Variants in TENM2 observed in about 807,000 individuals in gnomAD.
TENM2 encodes teneurin transmembrane protein 2.
A neutral mutation model predicts 245.2 loss-of-function variants in TENM2; 52 were observed. The ratio of observed to expected loss-of-function variants is 0.21; its 90% CI spans 0.17 to 0.27. The LOEUF (loss-of-function observed/expected upper bound fraction) is 0.27, where lower values mean the gene tolerates loss of function less well. Ranked by LOEUF, TENM2 falls within the 10% of genes least tolerant of loss-of-function variation. The pLI, the probability that TENM2 is intolerant of heterozygous loss-of-function variation, is 1.00. For missense variants in TENM2, 3,046 were observed against 3,666.8 expected, an observed-to-expected ratio of 0.83 and a Z score of 4.37; for synonymous variants, 1,363 against 1,438.9, an observed-to-expected ratio of 0.95 and a Z score of 1.19.
intron 2 of TENM2, among the ~76,000 whole-genome samples, chr5:167,731,975 G>A (rs1463157305): frequency 1.3e-5 from 2 of 152,172 alleles, no homozygotes; most frequent in Admixed American, 6.6e-5. Context: ...AATATTGTGA[G>A]CAAATCAAGA....
intron 2 of TENM2, among the ~76,000 whole-genome samples, chr5:167,649,962 A>G (rs1015733456): frequency 3.9e-5 from 6 of 152,190 alleles, no homozygotes; most frequent in Non-Finnish European, 4.4e-5. Context: ...AGACTCTGGA[A>G]TTACTTATTG....
At chr5:167,530,764 C>A (rs952984008) in intron 2 of TENM2, among the ~76,000 whole-genome samples, 1 of 152,152 alleles carries the variant, frequency 6.6e-6, no homozygotes, top group African/African-American at 2.4e-5. Flanking sequence ...AGTGGGGAAG[C>A]GCGGCTTCTC....
At chr5:167,357,911 C>T (rs1045796142) in intron 1 of TENM2, among the ~76,000 whole-genome samples, 2 of 152,184 alleles carry the variant, frequency 1.3e-5, no homozygotes, top group Non-Finnish European at 2.9e-5. Flanking sequence ...CTCCCAGCTT[C>T]TGTGCCCACA....
chr5:167,453,451 A>T (rs1658256657), intron 2 of TENM2, among the ~76,000 whole-genome samples: 2 of 152,176 alleles, frequency 1.3e-5, no homozygotes, highest in African/African-American at 4.8e-5. Flanking sequence ...AAGACATCAC[A>T]TTGTGAACAT....
chr5:167,712,544 G>T (rs1289426498), intron 2 of TENM2, among the ~76,000 whole-genome samples: 2 of 152,016 alleles, frequency 1.3e-5, no homozygotes, highest in Admixed American at 6.6e-5. Flanking sequence ...AAAAAGTTTT[G>T]CTTCATTTTT....
At chr5:168,179,090 G>A (rs906035381) in intron 13 of TENM2, among the ~76,000 whole-genome samples, 2 of 143,852 alleles carry the variant, frequency 1.4e-5, no homozygotes, top group Non-Finnish European at 3.0e-5. Flanking sequence ...AGTCGAGATC[G>A]AGCCACTGCA....
At chr5:168,230,552 G>GC (rs1190189822) in intron 25 of TENM2, among the ~76,000 whole-genome samples, 3 of 152,158 alleles carry the variant, frequency 2.0e-5, no homozygotes, top group Non-Finnish European at 4.4e-5. Flanking sequence ...GGAGTTTGCA[G>GC]CCCCTAAGCC....
chr5:167,741,949 A>T lies in TENM2; in HGVS notation c.503-134037A>T, dbSNP rs1263017686. Among the ~76,000 whole-genome samples, 4 of 152,124 alleles carry T rather than the reference A, an allele frequency of 2.6e-5. No individual in the cohort carries two copies. In the East Asian group the frequency reaches 7.7e-4, roughly 29 times the overall value. The stretch of plus-strand genomic sequence containing the variant: ...AGCCACCCTTTTCTGTTTTGATTGG[A>T]TGCAGGAACAATGAGTACACACCAC... On this transcript the variant is annotated intron_variant, in intron 2 of 28. Coordinates refer to ENST00000518659, the Ensembl canonical transcript of TENM2.
At chr5:167,788,852 T>C (rs1427192816) in intron 2 of TENM2, among the ~76,000 whole-genome samples, 1 of 152,192 alleles carries the variant, frequency 6.6e-6, no homozygotes, top group East Asian at 1.9e-4. Flanking sequence ...GTGACTTACG[T>C]CACTCCTTTC....
chr5:167,342,842 C>T (rs985150104), intron 1 of TENM2, among the ~76,000 whole-genome samples: 18 of 145,046 alleles, frequency 1.2e-4, no homozygotes, highest in African/African-American at 3.3e-4. Flanking sequence ...TATTCTTTAT[C>T]GTCCTTTCCA....
At chr5:167,551,021 G>T (rs965449844) in intron 2 of TENM2, among the ~76,000 whole-genome samples, 2 of 152,054 alleles carry the variant, frequency 1.3e-5, no homozygotes, top group African/African-American at 4.8e-5. Context: ...GAGCCACCAT[G>T]CCCAGCCATA....
intron 5 of TENM2, among the ~76,000 whole-genome samples, chr5:168,042,343 A>T (rs1403781268): frequency 6.6e-6 from 1 of 152,086 alleles, no homozygotes; most frequent in Non-Finnish European, 1.5e-5. Context: ...TGCTCGGCAA[A>T]CACAGAGCAT....
intron 2 of TENM2, among the ~76,000 whole-genome samples, chr5:167,409,367 A>G (rs1654691933): frequency 6.6e-6 from 1 of 152,084 alleles, no homozygotes. Flanking sequence ...ATAAACTTTA[A>G]CAAAAAAGTT....
At chr5:167,285,558 G>C (rs1771292640) in intron 1 of TENM2, among the ~76,000 whole-genome samples, 1 of 152,022 alleles carries the variant, frequency 6.6e-6, no homozygotes, top group Non-Finnish European at 1.5e-5. Flanking sequence ...TCCTTATACT[G>C]TTTTGATTTC....
intron 2 of TENM2, among the ~76,000 whole-genome samples, chr5:167,657,388 G>A (rs1391679467): frequency 2.0e-5 from 3 of 152,130 alleles, no homozygotes; most frequent in Non-Finnish European, 4.4e-5. Context: ...ATCTGTTGGT[G>A]GACACCTATG....
At chr5:167,293,408 C>T (rs758544537) in intron 1 of TENM2, among the ~76,000 whole-genome samples, 15 of 134,964 alleles carry the variant, frequency 1.1e-4, no homozygotes, top group South Asian at 2.4e-4. Context: ...TTAGTAGAGA[C>T]GGGGTTTCTC....
chr5:167,991,612 T>A (rs551030578), intron 4 of TENM2, among the ~76,000 whole-genome samples: 28 of 152,292 alleles, frequency 1.8e-4, no homozygotes, highest in African/African-American at 6.7e-4. Flanking sequence ...AGGAGCTATA[T>A]CCTCTTCTAC....
In TENM2 at chr5:167,839,148, G is replaced by A. The variant is rs1196267300; in HGVS notation, c.503-36838G>A. On this transcript the variant is annotated intron_variant, in intron 2 of 28. Transcript: ENST00000518659. ...TTAACACTCAGGACATCTGTGAGTCGGGTGTTTACTGGTTCCTCTGCTTCT... is the reference window on the plus strand; with the variant it reads ...TTAACACTCAGGACATCTGTGAGTCAGGTGTTTACTGGTTCCTCTGCTTCT... Among the ~76,000 whole-genome samples, 6 of 152,248 alleles carry A rather than the reference G, an allele frequency of 3.9e-5. 1 individual carries two copies. Among genetic ancestry groups the A allele is most frequent in the Middle Eastern group, 6.8e-3 (2 of 294 alleles).
intron 7 of TENM2, among the ~76,000 whole-genome samples, chr5:168,079,390 A>G (rs1791775036): frequency 6.6e-6 from 1 of 152,140 alleles, no homozygotes; most frequent in Non-Finnish European, 1.5e-5. Context: ...GGACAATTTG[A>G]CTTCCTCTTT....
Sources: gnomAD v4.1 joint callset for allele counts (sites outside exome capture counted in the v4.1 genomes callset) on GRCh38, gnomAD v4.1.1 for gene constraint, MANE v1.5 for transcripts, NCBI Gene and HGNC (gene_info 2026-07-23, HGNC 2026-07-21) for gene names.